The following ARVCF variants were observed in gnomAD, a reference collection of about 807,000 sequenced individuals.
ARVCF encodes ARVCF delta catenin family member.
A neutral mutation model predicts 90.9 loss-of-function variants in ARVCF; 66 were observed. The ratio of observed to expected loss-of-function variants is 0.73; its 90% CI spans 0.60 to 0.89. The LOEUF (loss-of-function observed/expected upper bound fraction) is 0.89, where lower values mean the gene tolerates loss of function less well. Among genes scored for constraint, ARVCF ranks in the 40% least tolerant of loss-of-function variants. ARVCF has a pLI of 0.00. For synonymous variants in ARVCF, 653 were observed against 603.4 expected (o/e 1.08, Z -1.21); for missense variants, 1,469 against 1,382.3 (o/e 1.06, Z -1.00).
Position 19,972,457 on chromosome 22 carries a change from G to T in ARVCF, c.2642-46C>A, listed in dbSNP as rs767801438. 1.9e-6 allele frequency: 3 copies of T among 1,611,048 alleles called. No homozygotes were observed. The East Asian group carries it at 6.7e-5, about 36-fold the overall frequency. ...ACGGGCTGCATGTGGCAGCCAGGGG[G>T]GATCGGGGCAGAGAAGCCCACACAG... On this transcript the variant is annotated intron_variant, in intron 16 of 19. Transcript: ENST00000263207.
At chr22:20,003,063 A>G (rs1008172972) in intron 2 of ARVCF, among the ~76,000 whole-genome samples, 2 of 152,254 alleles carry the variant, frequency 1.3e-5, no homozygotes, top group Admixed American at 1.3e-4. Flanking sequence ...GTATAACATT[A>G]AAATAAAAAG....
intron 1 of ARVCF, among the ~76,000 whole-genome samples, chr22:20,013,055 T>C (rs752440284): frequency 2.0e-5 from 3 of 152,254 alleles, no homozygotes; most frequent in Non-Finnish European, 2.9e-5. Context: ...GAGGTGACAC[T>C]GACTGTAGGT....
intron 19 of ARVCF, among the ~76,000 whole-genome samples, 189 bp downstream of exon 19, chr22:19,971,027 G>C (rs534131798): frequency 1.3e-5 from 2 of 152,160 alleles, no homozygotes; most frequent in Non-Finnish European, 2.9e-5. Flanking sequence ...TGTGGGCCCA[G>C]GGAGCACCCT....
intron 5 of ARVCF, 89 bp downstream of exon 5, chr22:19,981,122 G>A (rs1030468399): frequency 9.3e-6 from 13 of 1,403,938 alleles, no homozygotes; most frequent in African/African-American, 2.9e-5. Context: ...ACTCAACTGC[G>A]CCACTTGACA....
rs749186821 is a variant in ARVCF, at chr22:19,973,111, C to G, written c.2438+8G>C. On this transcript the variant is annotated splice_region_variant and intron_variant, in intron 14 of 19. Coordinates refer to ENST00000263207, the MANE Select transcript of ARVCF (RefSeq NM_001670.3). ...GCTCCCCAAGCCACCGACCCCGCCC[C>G]TCCACACCTGGAGGCCACGAGAGCC... 2.7e-5 allele frequency: 43 copies of G among 1,603,144 alleles called. No individual in the cohort carries two copies. The highest frequency in any genetic ancestry group is 1.7e-4 in the Middle Eastern group (1 of 5,942).
At chr22:19,976,617 G>A (rs1943167242) in intron 10 of ARVCF, 89 bp downstream of exon 10, 2 of 1,494,884 alleles carry the variant, frequency 1.3e-6, no homozygotes, top group Non-Finnish European at 1.8e-6. Flanking sequence ...CAGGGGTGGG[G>A]CAGGGCCCTG....
rs1480616551 is a variant in ARVCF at position 19,970,275 on chromosome 22, T to C, written c.*481A>G. 1.0e-6 allele frequency: 1 copy of C among 994,638 alleles called. No individual in the cohort carries two copies. The highest frequency in any genetic ancestry group is 1.2e-6 in the Non-Finnish European group (1 of 835,030). The allele number at this position is 994,638 out of a possible 1,614,324, so 61.6% of individuals were successfully genotyped here. ...GGCACCCCCCACACCGTGGTCTGCCTGCCTGCAGGGTGCCCAGGGAGACCC... is the reference window on the plus strand; with the variant it reads ...GGCACCCCCCACACCGTGGTCTGCCCGCCTGCAGGGTGCCCAGGGAGACCC... On this transcript the variant is annotated 3_prime_UTR_variant, in exon 20 of 20. Transcript: ENST00000263207.
At chr22:19,999,397 CCTGA>C (rs1015529680) in intron 2 of ARVCF, among the ~76,000 whole-genome samples, 1 of 152,204 alleles carries the variant, frequency 6.6e-6, no homozygotes, top group Admixed American at 6.5e-5. Context: ...GGCAAATCTA[CCTGA>C]CTACTAGGGA....
intron 9 of ARVCF, 29 bp from the exon 10 acceptor site, chr22:19,976,752 A>C: frequency 6.4e-7 from 1 of 1,557,346 alleles, no homozygotes; most frequent in Non-Finnish European, 8.7e-7. Flanking sequence ...CAGAGGAGAG[A>C]GGAGAGGAGC....
At chr22:19,984,858 C>CA (rs2146339672) in intron 3 of ARVCF, among the ~76,000 whole-genome samples, 1 of 152,352 alleles carries the variant, frequency 6.6e-6, no homozygotes, top group East Asian at 1.9e-4. Context: ...CTGGGAGTCT[C>CA]AGAGCTGGCT....
rs772312656 is a variant in ARVCF at position 19,971,959 on chromosome 22, G to A, written c.2708C>T (p.Thr903Met). ...MDALGPDGYS[T>M]VDRRERRPRG... is the part of the protein sequence containing the mutation. Reference sequence around the variant, plus strand: ...TGGCCTCCGCTCCCTCCGGTCCACCGTGGAGTATCCGTCTGTAGATGGGGT... The same window carrying A: ...TGGCCTCCGCTCCCTCCGGTCCACCATGGAGTATCCGTCTGTAGATGGGGT... The change falls in exon 18 of 20, where the codon ACG becomes ATG. Residue 903 changes from threonine (T) to methionine (M), a missense_variant. By Grantham distance (81) the Thr-to-Met change is moderately conservative (BLOSUM62 -1). Transcript: ENST00000263207. The A allele has an allele frequency of 1.9e-5, 31 of 1,610,742 alleles. No homozygotes were observed. Among genetic ancestry groups the A allele is most frequent in the Admixed American group, 1.0e-4 (6 of 59,822 alleles).
rs545917955 is a variant in ARVCF, at chr22:19,973,248, C to T, written c.2309G>A (p.Cys770Tyr). The part of the protein sequence containing the change: ...NAQAPPRPGA[C>Y]LEEDTVVAVL... ...CGCCACCACGGTGTCTTCCTCCAGG[C>T]AGGCCCCCGGTCGCGGCGGAGCCTG... The change falls in exon 14 of 20, where the codon TGC becomes TAC. Residue 770 changes from cysteine to tyrosine, a missense_variant. By Grantham distance (194) the Cys-to-Tyr change is radical. Transcript: ENST00000263207. The T allele has an allele frequency of 2.0e-5, 33 of 1,610,402 alleles. No homozygotes were observed. The highest frequency in any genetic ancestry group is 2.7e-5 in the Non-Finnish European group (32 of 1,179,172).
rs758009628 is a variant in ARVCF, at chr22:19,976,737, G to A, written c.1871-14C>T. The stretch of plus-strand genomic sequence containing the variant: ...GGAACCACTCCTCTGGGAGGCCGGA[G>A]GAAGCAGAGGAGAGAGGAGAGGAGC... On this transcript the variant is annotated splice_polypyrimidine_tract_variant and intron_variant, in intron 9 of 19. Coordinates refer to ENST00000263207, the MANE Select transcript of ARVCF (RefSeq NM_001670.3). The A allele has an allele frequency of 1.3e-5, 20 of 1,559,566 alleles. No homozygotes were observed. The highest frequency in any genetic ancestry group is 1.7e-5 in the Non-Finnish European group (19 of 1,151,504).
intron 3 of ARVCF, chr22:19,986,819 CGACCCCCCCA>C: frequency 2.4e-6 from 1 of 419,000 alleles, no homozygotes. Flanking sequence ...CCAGGGGTCC[CGACCCCCCCA>C]GGCCCCGCGG....
At chr22:19,968,413 T>C (rs1942541765), downstream of ARVCF, 2 of 957,834 alleles carry the variant, frequency 2.1e-6, no homozygotes, top group South Asian at 2.8e-5. Context: ...AGTGGAAACC[T>C]GGCCCCAGGG....
chr22:19,990,727 A>G lies in ARVCF; in HGVS notation c.68T>C (p.Phe23Ser). 1 of 1,593,328 alleles carries G rather than the reference A, an allele frequency of 6.3e-7. No homozygotes were observed. The highest frequency in any genetic ancestry group is 8.6e-7 in the Non-Finnish European group (1 of 1,169,568). ...CTCCAGTGCCCGTGTCAGCCTCTCG[A>G]AGCGGGCCTCCTGCTCCTTCACCGA... ...LASVKEQEAR[F>S]ERLTRALEQE... Residue 23 changes from phenylalanine to serine, a missense_variant, in exon 3 of 20, where the codon TTC (phenylalanine) becomes TCC (serine). Physicochemically the swap from Phe to Ser is radical, Grantham distance 155 (BLOSUM62 -2). Transcript: ENST00000263207.
chr22:19,980,433 AG>A (rs1943429940), intron 5 of ARVCF, 191 bp from the exon 6 acceptor site: 1 of 851,364 alleles, frequency 1.2e-6, no homozygotes, highest in South Asian at 3.5e-5. Flanking sequence ...ACCAATTCAG[AG>A]CCAAATGCCA....
intron 2 of ARVCF, among the ~76,000 whole-genome samples, chr22:19,992,775 C>T (rs1027559723): frequency 1.3e-5 from 2 of 152,216 alleles, no homozygotes; most frequent in East Asian, 1.9e-4. Flanking sequence ...GTCTACACCA[C>T]ACACCCCATC....
At chr22:20,006,922 G>A (rs866387213) in intron 2 of ARVCF, among the ~76,000 whole-genome samples, 22 of 151,750 alleles carry the variant, frequency 1.4e-4, no homozygotes, top group East Asian at 4.0e-4. Flanking sequence ...GAGCCACCGC[G>A]CCTGGCCTAC....
Sources: gnomAD v4.1 joint callset for allele counts (sites outside exome capture counted in the v4.1 genomes callset) on GRCh38, gnomAD v4.1.1 for gene constraint, MANE v1.5 for transcripts, NCBI Gene and HGNC (gene_info 2026-07-23, HGNC 2026-07-21) for gene names.